The following CXADR variants were observed in gnomAD, a reference collection of about 807,000 sequenced individuals.
The protein encoded by CXADR is coxsackievirus and adenovirus receptor.
A neutral mutation model predicts 40.3 loss-of-function variants in CXADR; 20 were observed. That is an observed-to-expected ratio of 0.50 (90% CI 0.35 to 0.72). The LOEUF is 0.72. CXADR is among the 30% of genes least tolerant of loss of function. The probability of loss-of-function intolerance (pLI) is 0.01; values close to 1 mark genes in which losing one functional copy is unlikely to be tolerated. For missense variants in CXADR, 332 were observed against 449.1 expected, an observed-to-expected ratio of 0.74 and a Z score of 2.36; for synonymous variants, 150 against 161.3, an observed-to-expected ratio of 0.93 and a Z score of 0.53.
At chr21:17,553,965 C>T (rs1310191646) in intron 3 of CXADR, among the ~76,000 whole-genome samples, 1 of 152,314 alleles carries the variant, frequency 6.6e-6, no homozygotes. Context: ...GAGATTATAA[C>T]CCTGACTATA....
At chr21:17,607,866 C>T in the CXADR span, among the ~76,000 whole-genome samples, 2 of 152,246 alleles carry the variant, frequency 1.3e-5, no homozygotes, top group Non-Finnish European at 2.9e-5. Flanking sequence ...CCTGAGCAGT[C>T]ACATAAATAC....
downstream of CXADR, among the ~76,000 whole-genome samples, chr21:17,595,390 C>CT (rs994762989): frequency 6.6e-5 from 10 of 151,950 alleles, no homozygotes; most frequent in African/African-American, 1.9e-4. Flanking sequence ...GAAAGTCCCT[C>CT]TTTTTTTATC....
At chr21:17,587,624 T>G (rs2061407116) in intron 7 of CXADR, among the ~76,000 whole-genome samples, 1 of 152,214 alleles carries the variant, frequency 6.6e-6, no homozygotes, top group African/African-American at 2.4e-5. Flanking sequence ...TCATTGTAGA[T>G]TCTGGATATT....
rs1214359832 is a variant in CXADR at position 17,568,472 on chromosome 21, A to G, written c.*2780A>G. ...CAAAGCCATTTTATTCTACTTTATAACTGAGAGACTTGATACCATCCATCT... is the reference window on the plus strand; with the variant it reads ...CAAAGCCATTTTATTCTACTTTATAGCTGAGAGACTTGATACCATCCATCT... On this transcript the variant is annotated 3_prime_UTR_variant, in exon 7 of 7. Transcript: ENST00000284878. 7.2e-6 allele frequency: 7 copies of G among 977,438 alleles called. No homozygotes were observed. The African/African-American group carries it at 1.3e-4, about 18-fold the overall frequency. The allele number at this position is 977,438 out of a possible 1,614,324, so 60.5% of individuals were successfully genotyped here. A position where few individuals can be genotyped will look rare whatever the true frequency, so the allele number is the denominator to read the frequency against.
At chr21:17,590,396 T>C (rs1018924980) in intron 7 of CXADR, among the ~76,000 whole-genome samples, 3 of 152,082 alleles carry the variant, frequency 2.0e-5, no homozygotes, top group African/African-American at 7.2e-5. Context: ...CTTTTGTCCT[T>C]ATGTTACCCT....
intron 1 of CXADR, among the ~76,000 whole-genome samples, chr21:17,540,775 C>T (rs1332322584): frequency 6.6e-6 from 1 of 152,068 alleles, no homozygotes; most frequent in Non-Finnish European, 1.5e-5. Context: ...TCTTCTACTG[C>T]GTTGACAGTA....
intron 3 of CXADR, among the ~76,000 whole-genome samples, chr21:17,554,523 G>T (rs1001873688): frequency 1.2e-4 from 18 of 152,172 alleles, no homozygotes; most frequent in African/African-American, 4.1e-4. Flanking sequence ...GATGAGAGGA[G>T]AAAGCAGGGA....
At chr21:17,563,155 GTTAA>G (rs144268524) in intron 6 of CXADR, among the ~76,000 whole-genome samples, 2,084 of 152,188 alleles carry the variant, frequency 0.014, 45 homozygotes, top group African/African-American at 0.045. Context: ...CCTCACTAAG[GTTAA>G]TTATTTCTGG....
intron 7 of CXADR, among the ~76,000 whole-genome samples, chr21:17,575,729 G>A (rs144686778): frequency 4.0e-5 from 6 of 150,670 alleles, no homozygotes; most frequent in African/African-American, 1.2e-4. Flanking sequence ...TCCTGACCTC[G>A]TGATCCACCC....
chr21:17,583,875 T>A (rs1248248648), intron 7 of CXADR, among the ~76,000 whole-genome samples: 1 of 152,222 alleles, frequency 6.6e-6, no homozygotes, highest in East Asian at 1.9e-4. Context: ...TAAAATTAGC[T>A]TGTAATGGAT....
At chr21:17,620,274 TATTA>T in the CXADR span, among the ~76,000 whole-genome samples, 1 of 152,180 alleles carries the variant, frequency 6.6e-6, no homozygotes, top group Admixed American at 6.5e-5. Context: ...ATTGTAGGGT[TATTA>T]ATTGGCCTAA....
Position 17,569,578 on chromosome 21 carries a change from G to T in CXADR, c.*3886G>T. The stretch of plus-strand genomic sequence containing the variant: ...CCTTTTATAAATGTTATAGAAGCAG[G>T]GAAGAATAATAAACACATTTGTGAA... On this transcript the variant is annotated 3_prime_UTR_variant, in exon 7 of 7. Coordinates refer to ENST00000284878, the MANE Select transcript of CXADR (RefSeq NM_001338.5). 1.0e-6 allele frequency: 1 copy of T among 985,118 alleles called. No individual in the cohort carries two copies. Among genetic ancestry groups the T allele is most frequent in the Non-Finnish European group, 1.2e-6 (1 of 829,812 alleles). The allele number at this position is 985,118 out of a possible 1,614,324, so 61.0% of individuals were successfully genotyped here. A position where few individuals can be genotyped will look rare whatever the true frequency, so the allele number is the denominator to read the frequency against.
chr21:17,560,892 C>A, intron 5 of CXADR, 68 bp downstream of exon 5: 2 of 1,588,074 alleles, frequency 1.3e-6, no homozygotes, highest in Admixed American at 1.7e-5. Flanking sequence ...TTAGTTCAGT[C>A]AGCAAGTGTG....
the CXADR span, among the ~76,000 whole-genome samples, chr21:17,605,356 A>T: frequency 6.6e-6 from 1 of 152,196 alleles, no homozygotes; most frequent in African/African-American, 2.4e-5. Flanking sequence ...TATACAAAAA[A>T]ATCTCTAACA....
At chr21:17,528,068 C>CTTTTTTTT (rs35477813) in intron 1 of CXADR, among the ~76,000 whole-genome samples, 22 of 78,350 alleles carry the variant, frequency 2.8e-4, no homozygotes, top group East Asian at 7.7e-4. Flanking sequence ...TTAGTTCTTT[C>CTTTTTTTT]TTTTTTTTTT....
At chr21:17,525,061 T>A (rs939238395) in intron 1 of CXADR, among the ~76,000 whole-genome samples, 2 of 152,296 alleles carry the variant, frequency 1.3e-5, no homozygotes, top group African/African-American at 2.4e-5. Context: ...GGGAAGGAGA[T>A]AATAGTAACA....
intron 1 of CXADR, among the ~76,000 whole-genome samples, chr21:17,538,411 A>G (rs992970206): frequency 6.6e-6 from 1 of 152,158 alleles, no homozygotes; most frequent in Non-Finnish European, 1.5e-5. Flanking sequence ...TAAAGGTGCT[A>G]GAGGGTGGCT....
At chr21:17,626,056 G>T in the CXADR span, among the ~76,000 whole-genome samples, 2 of 152,158 alleles carry the variant, frequency 1.3e-5, no homozygotes, top group African/African-American at 4.8e-5. Flanking sequence ...ATTGTTATGG[G>T]TTTCAGCCAG....
intron 7 of CXADR, among the ~76,000 whole-genome samples, chr21:17,583,294 G>A (rs1349729072): frequency 6.6e-6 from 1 of 151,832 alleles, no homozygotes; most frequent in Non-Finnish European, 1.5e-5. Context: ...TAAACTTCTT[G>A]TAATGTTATG....
Sources: gnomAD v4.1 joint callset for allele counts (sites outside exome capture counted in the v4.1 genomes callset) on GRCh38, gnomAD v4.1.1 for gene constraint, MANE v1.5 for transcripts, NCBI Gene and HGNC (gene_info 2026-07-23, HGNC 2026-07-21) for gene names.